Variants in SNTG1 observed in about 807,000 individuals in gnomAD.
SNTG1 encodes gamma-1-syntrophin.
SNTG1 carries 39 observed loss-of-function variants against 74.7 expected under a neutral mutation model. The observed-to-expected ratio is 0.52, with a 90% confidence interval of 0.40 to 0.68. The LOEUF (loss-of-function observed/expected upper bound fraction) is 0.68. Ranked by LOEUF, SNTG1 falls within the 30% of genes least tolerant of loss-of-function variation. The pLI, the probability that SNTG1 is intolerant of heterozygous loss-of-function variation, is 0.00. For missense variants in SNTG1, 685 were observed against 609.5 expected, an observed-to-expected ratio of 1.12 and a Z score of -1.30; for synonymous variants, 254 against 217.1, an observed-to-expected ratio of 1.17 and a Z score of -1.49.
At chr8:49,999,116 G>A (rs915230938) in intron 1 of SNTG1, among the ~76,000 whole-genome samples, 2 of 152,056 alleles carry the variant, frequency 1.3e-5, no homozygotes, top group Non-Finnish European at 2.9e-5. Context: ...CATCATTGTG[G>A]GATGCATGAC....
At chr8:50,225,677 A>C (rs1014971574) in intron 2 of SNTG1, among the ~76,000 whole-genome samples, 3 of 152,216 alleles carry the variant, frequency 2.0e-5, no homozygotes, top group Admixed American at 6.5e-5. Context: ...AACGCCATTA[A>C]TATTTCTTCT....
chr8:50,585,482 T>C (rs934106641), intron 12 of SNTG1, among the ~76,000 whole-genome samples: 11 of 152,232 alleles, frequency 7.2e-5, no homozygotes, highest in African/African-American at 2.7e-4. Context: ...CAAATTGTTC[T>C]GATAACATAA....
chr8:50,458,973 A>G (rs2093534514), intron 8 of SNTG1, among the ~76,000 whole-genome samples: 1 of 152,138 alleles, frequency 6.6e-6, no homozygotes, highest in Admixed American at 6.5e-5. Context: ...TTGGTGTCTT[A>G]GTTAATAAAT....
At position 50,694,157 on chromosome 8, in the gene SNTG1, T is replaced by G. The variant is rs191933895; in HGVS notation, c.1039-10443T>G. ...AAAAGAAAGACCAAGGAAATGAAGT[T>G]TTTTTTTTTGAAAAAATGTATCATA... On this transcript the variant is annotated intron_variant, in intron 15 of 18. Coordinates refer to ENST00000642720, the MANE Select transcript of SNTG1 (RefSeq NM_018967.5). Among the ~76,000 whole-genome samples the G allele has an allele frequency of 4.6e-3, 689 of 149,598 alleles. 6 individuals carry two copies. The highest frequency in any genetic ancestry group is 6.0e-3 in the Non-Finnish European group (404 of 67,396).
At chr8:50,523,633 G>A (rs1158763730) in intron 9 of SNTG1, among the ~76,000 whole-genome samples, 1 of 152,108 alleles carries the variant, frequency 6.6e-6, no homozygotes, top group African/African-American at 2.4e-5. Flanking sequence ...CTTATGTGGC[G>A]TGGTTTGTGA....
intron 1 of SNTG1, among the ~76,000 whole-genome samples, chr8:50,145,338 T>C (rs2081821050): frequency 6.6e-6 from 1 of 152,200 alleles, no homozygotes; most frequent in Non-Finnish European, 1.5e-5. Context: ...AATTATAGAC[T>C]CAGTTTTATT....
intron 1 of SNTG1, among the ~76,000 whole-genome samples, chr8:50,058,492 A>G (rs1467701323): frequency 6.6e-6 from 1 of 152,140 alleles, no homozygotes; most frequent in Non-Finnish European, 1.5e-5. Context: ...GGTAGAGCAG[A>G]ATTTAGAAAA....
intron 17 of SNTG1, among the ~76,000 whole-genome samples, chr8:50,718,489 G>A (rs1021215888): frequency 4.6e-5 from 7 of 152,090 alleles, no homozygotes; most frequent in Admixed American, 2.0e-4. Context: ...TAATTTATAC[G>A]GCTGCAGTTC....
intron 2 of SNTG1, among the ~76,000 whole-genome samples, chr8:50,359,908 T>C (rs1338862951): frequency 6.6e-6 from 1 of 152,200 alleles, no homozygotes; most frequent in Non-Finnish European, 1.5e-5. Context: ...CTTTCTTTTT[T>C]CCACATGAGT....
chr8:50,462,169 A>T (rs752258259), intron 8 of SNTG1, among the ~76,000 whole-genome samples: 7 of 151,248 alleles, frequency 4.6e-5, no homozygotes, highest in South Asian at 2.2e-4. Context: ...TAAAAAGATA[A>T]AAAAGAGAAT....
At chr8:49,930,583 G>T (rs1051815449) in intron 1 of SNTG1, among the ~76,000 whole-genome samples, 3 of 151,786 alleles carry the variant, frequency 2.0e-5, no homozygotes, top group Non-Finnish European at 4.4e-5. Context: ...ATATGTTACA[G>T]AAACCATCAT....
intron 1 of SNTG1, among the ~76,000 whole-genome samples, chr8:49,935,296 T>A (rs1807962714): frequency 6.6e-6 from 1 of 151,132 alleles, no homozygotes; most frequent in Non-Finnish European, 1.5e-5. Context: ...AGAAGAAATG[T>A]TTGGAGAGCA....
chr8:50,272,273 G>A (rs2130298575), intron 2 of SNTG1, among the ~76,000 whole-genome samples: 1 of 152,294 alleles, frequency 6.6e-6, no homozygotes, highest in Admixed American at 6.5e-5. Flanking sequence ...CTTTCTGTGT[G>A]TTTCTGGTTA....
intron 2 of SNTG1, among the ~76,000 whole-genome samples, 193 bp downstream of exon 2, chr8:50,172,828 C>A (rs778362560): frequency 6.7e-6 from 1 of 150,280 alleles, no homozygotes; most frequent in Non-Finnish European, 1.5e-5. Flanking sequence ...ATATTCAGAA[C>A]GTATCTCCAT....
chr8:50,494,318 C>G (rs2093884866), intron 8 of SNTG1, among the ~76,000 whole-genome samples: 1 of 151,822 alleles, frequency 6.6e-6, no homozygotes, highest in Non-Finnish European at 1.5e-5. Flanking sequence ...ATACTGTATT[C>G]AAAATACAGT....
chr8:49,925,344 C>A (rs967833854), intron 1 of SNTG1, among the ~76,000 whole-genome samples: 1 of 152,082 alleles, frequency 6.6e-6, no homozygotes, highest in African/African-American at 2.4e-5. Flanking sequence ...TAATACAATA[C>A]CCAAACCAGG....
chr8:50,424,786 G>A (rs1203089882), intron 4 of SNTG1, among the ~76,000 whole-genome samples: 1 of 152,120 alleles, frequency 6.6e-6, no homozygotes, highest in Non-Finnish European at 1.5e-5. Context: ...TGACAGACAA[G>A]TATATAGAAA....
At chr8:50,323,952 T>C (rs1170739850) in intron 2 of SNTG1, among the ~76,000 whole-genome samples, 2 of 152,324 alleles carry the variant, frequency 1.3e-5, no homozygotes, top group East Asian at 3.9e-4. Context: ...GGCACAAGTC[T>C]TCCCTTAGCT....
intron 4 of SNTG1, among the ~76,000 whole-genome samples, chr8:50,410,798 A>G (rs2092938598): frequency 6.6e-6 from 1 of 152,202 alleles, no homozygotes; most frequent in Non-Finnish European, 1.5e-5. Context: ...TTCACTAAGC[A>G]TAATGTCCTC....
Sources: gnomAD v4.1 joint callset for allele counts (sites outside exome capture counted in the v4.1 genomes callset) on GRCh38, gnomAD v4.1.1 for gene constraint, MANE v1.5 for transcripts, NCBI Gene and HGNC (gene_info 2026-07-23, HGNC 2026-07-21) for gene names.